The following FBXL17 variants were observed in gnomAD, a reference collection of about 807,000 sequenced individuals.
FBXL17 encodes F-box and leucine rich repeat protein 17.
FBXL17 carries 22 observed loss-of-function variants against 66.2 expected under a neutral mutation model. The observed-to-expected ratio is 0.33, with a 90% CI of 0.24 to 0.47. The LOEUF (loss-of-function observed/expected upper bound fraction) is 0.47, where lower values mean the gene tolerates loss of function less well. FBXL17 is among the 20% of genes least tolerant of loss of function. The probability of loss-of-function intolerance (pLI) is 1.00; values close to 1 mark genes in which losing one functional copy is unlikely to be tolerated. For synonymous variants in FBXL17, 474 were observed against 400.5 expected, an observed-to-expected ratio of 1.18 and a Z score of -2.19; for missense variants, 878 against 948.2, an observed-to-expected ratio of 0.93 and a Z score of 0.97.
intron 4 of FBXL17, among the ~76,000 whole-genome samples, chr5:108,322,498 G>GA (rs1459913453): frequency 1.3e-5 from 2 of 151,882 alleles, no homozygotes; most frequent in East Asian, 3.9e-4. Context: ...CTTTGTATAA[G>GA]AAAAGAATAA....
intron 6 of FBXL17, among the ~76,000 whole-genome samples, chr5:108,171,964 C>T (rs1215504656): frequency 6.6e-6 from 1 of 152,168 alleles, no homozygotes; most frequent in Non-Finnish European, 1.5e-5. Context: ...CTGCTGCCAT[C>T]CGTGTAAGAC....
chr5:108,292,179 T>C (rs1419494855), intron 4 of FBXL17, among the ~76,000 whole-genome samples: 1 of 150,908 alleles, frequency 6.6e-6, no homozygotes, highest in East Asian at 2.0e-4. Flanking sequence ...TGGAGTGCAA[T>C]GGCGCGATCT....
chr5:108,206,814 T>C (rs1754138111), intron 5 of FBXL17, among the ~76,000 whole-genome samples: 2 of 152,158 alleles, frequency 1.3e-5, no homozygotes, highest in Admixed American at 6.6e-5. Context: ...CTGTTTCTAA[T>C]AAAGCTGCTA....
rs181541945 is a variant in FBXL17 at position 108,247,379 on chromosome 5, G to C, written c.1507-23151C>G. Among the ~76,000 whole-genome samples the C allele has an allele frequency of 3.9e-5, 6 of 152,218 alleles. No homozygotes were observed. The East Asian group carries it at 9.7e-4, about 25-fold the overall frequency. ...AGAGATGTGAATGTACAAAGTATAT[G>C]AGAGAATAAAAAAGTGCAGGTATCA... On this transcript the variant is annotated intron_variant, in intron 4 of 8. Coordinates refer to ENST00000542267, the MANE Select transcript of FBXL17 (RefSeq NM_001163315.3).
chr5:108,278,762 AC>A (rs992999641), intron 4 of FBXL17, among the ~76,000 whole-genome samples: 6 of 152,180 alleles, frequency 3.9e-5, no homozygotes, highest in African/African-American at 1.4e-4. Context: ...TGCAGTAGCC[AC>A]CACTCACCCA....
At chr5:108,200,475 G>T (rs1181647920) in intron 5 of FBXL17, among the ~76,000 whole-genome samples, 1 of 151,938 alleles carries the variant, frequency 6.6e-6, no homozygotes, top group Non-Finnish European at 1.5e-5. Context: ...GAGTATTCCT[G>T]TACTTTGCCT....
chr5:108,028,253 T>C (rs1754903478), intron 6 of FBXL17, among the ~76,000 whole-genome samples: 3 of 152,086 alleles, frequency 2.0e-5, no homozygotes, highest in African/African-American at 4.8e-5. Context: ...TAGTGAAAAC[T>C]AGAAACATTG....
intron 6 of FBXL17, among the ~76,000 whole-genome samples, chr5:108,028,511 T>A (rs1754911576): frequency 6.6e-6 from 1 of 152,154 alleles, no homozygotes; most frequent in African/African-American, 2.4e-5. Context: ...ATTTCAGGCA[T>A]CATTCATGAA....
At chr5:108,331,980 C>T (rs1369060951) in intron 4 of FBXL17, among the ~76,000 whole-genome samples, 1 of 152,018 alleles carries the variant, frequency 6.6e-6, no homozygotes, top group Non-Finnish European at 1.5e-5. Flanking sequence ...AAGTTAGAAT[C>T]GAATAGTATC....
At chr5:107,930,345 C>CTT (rs1279025785) in intron 7 of FBXL17, among the ~76,000 whole-genome samples, 1 of 152,170 alleles carries the variant, frequency 6.6e-6, no homozygotes, top group African/African-American at 2.4e-5. Context: ...CTCTCAGTTT[C>CTT]TTTACCCAGC....
intron 6 of FBXL17, among the ~76,000 whole-genome samples, chr5:108,155,881 T>C (rs1446229322): frequency 6.6e-6 from 1 of 152,222 alleles, no homozygotes; most frequent in African/African-American, 2.4e-5. Flanking sequence ...TATCCTTCTC[T>C]GCATTTTGCT....
intron 6 of FBXL17, among the ~76,000 whole-genome samples, chr5:108,126,219 C>T (rs1414045608): frequency 6.6e-6 from 1 of 151,214 alleles, no homozygotes; most frequent in African/African-American, 2.4e-5. Context: ...GTTTAAAAAT[C>T]AGGCAAAAAA....
chr5:107,899,372 G>A (rs1271064183), intron 7 of FBXL17, among the ~76,000 whole-genome samples: 1 of 152,144 alleles, frequency 6.6e-6, no homozygotes, highest in African/African-American at 2.4e-5. Context: ...GTAAGGGCTG[G>A]GCTCACACCT....
chr5:108,236,400 C>T (rs920823288), intron 4 of FBXL17, among the ~76,000 whole-genome samples: 4 of 151,922 alleles, frequency 2.6e-5, no homozygotes, highest in African/African-American at 7.2e-5. Context: ...GTAATCCCAG[C>T]TACTCAGGAG....
chr5:108,284,091 T>G (rs1456224197), intron 4 of FBXL17, among the ~76,000 whole-genome samples: 2 of 151,916 alleles, frequency 1.3e-5, no homozygotes, highest in Non-Finnish European at 2.9e-5. Flanking sequence ...GTAGTGGGCA[T>G]GTAAATTAGT....
intron 6 of FBXL17, among the ~76,000 whole-genome samples, chr5:108,181,314 T>C (rs1752994245): frequency 6.6e-6 from 1 of 152,166 alleles, no homozygotes; most frequent in Non-Finnish European, 1.5e-5. Context: ...ATAGTCAGTG[T>C]CCTCTTTTCA....
At chr5:108,317,216 T>C (rs928920629) in intron 4 of FBXL17, among the ~76,000 whole-genome samples, 126 of 151,546 alleles carry the variant, frequency 8.3e-4, no homozygotes, top group African/African-American at 3.0e-3. Flanking sequence ...CAAACCCATA[T>C]ATATTCATTT....
Position 108,291,731 on chromosome 5 carries a change from C to T in FBXL17, c.1506+56668G>A, listed in dbSNP as rs930540460. Among the ~76,000 whole-genome samples, 13 of 152,224 alleles carry T rather than the reference C, an allele frequency of 8.5e-5. No homozygotes were observed. The East Asian group carries it at 2.5e-3, about 29-fold the overall frequency. ...CATCTCAAATGAGACATGTTTACTACTGAAGTCCTCCCATTCCCAAAACTA... is the reference window on the plus strand; with the variant it reads ...CATCTCAAATGAGACATGTTTACTATTGAAGTCCTCCCATTCCCAAAACTA... On this transcript the variant is annotated intron_variant, in intron 4 of 8. Transcript: ENST00000542267.
At chr5:108,058,349 C>T (rs1747790073) in intron 6 of FBXL17, among the ~76,000 whole-genome samples, 2 of 152,154 alleles carry the variant, frequency 1.3e-5, no homozygotes, top group Admixed American at 1.3e-4. Flanking sequence ...AATTTCAAAG[C>T]CAAGATATGC....
Sources: allele counts gnomAD v4.1 joint callset (sites outside exome capture counted in the v4.1 genomes callset), GRCh38; gene constraint gnomAD v4.1.1; transcripts MANE v1.5; gene names NCBI Gene and HGNC (gene_info 2026-07-23, HGNC 2026-07-21).